The following PRKCZ variants were observed in gnomAD, a reference collection of about 807,000 sequenced individuals.
The protein encoded by PRKCZ is protein kinase C zeta type.
In PRKCZ, 33 loss-of-function variants were observed where a neutral mutation model predicts 79.5. The ratio of observed to expected loss-of-function variants is 0.41; its 90% CI spans 0.31 to 0.55. The LOEUF is 0.55. Ranked by LOEUF, PRKCZ falls within the 20% of genes least tolerant of loss-of-function variation. The pLI is 0.19. For synonymous variants in PRKCZ, 342 were observed against 320.9 expected, an observed-to-expected ratio of 1.07 and a Z score of -0.70; for missense variants, 578 against 813.5, an observed-to-expected ratio of 0.71 and a Z score of 3.52.
At chr1:2,131,314 T>C (rs1674913017) in intron 4 of PRKCZ, among the ~76,000 whole-genome samples, 1 of 152,170 alleles carries the variant, frequency 6.6e-6, no homozygotes, top group South Asian at 2.1e-4. Context: ...TTTAAAAATC[T>C]GATTTGAAGG....
chr1:2,181,557 C>T (rs2100543201), intron 16 of PRKCZ, among the ~76,000 whole-genome samples: 1 of 152,340 alleles, frequency 6.6e-6, no homozygotes, highest in South Asian at 2.1e-4. Context: ...CGACCTGGAG[C>T]CCACGTGCCA....
intron 16 of PRKCZ, chr1:2,182,133 G>C (rs1686726247): frequency 4.1e-6 from 1 of 246,004 alleles, no homozygotes; most frequent in Non-Finnish European, 8.3e-6. Context: ...GAATGGATGT[G>C]GGCATTTCTT....
chr1:2,079,973 G>C (rs1036356285), intron 4 of PRKCZ, among the ~76,000 whole-genome samples: 2 of 152,170 alleles, frequency 1.3e-5, no homozygotes, highest in Admixed American at 1.3e-4. Flanking sequence ...GGTGAGGAAG[G>C]GGGTCTGGGG....
intron 9 of PRKCZ, among the ~76,000 whole-genome samples, chr1:2,153,112 G>A (rs1320224898): frequency 6.6e-6 from 1 of 152,232 alleles, no homozygotes; most frequent in Non-Finnish European, 1.5e-5. Context: ...CACCACACGG[G>A]CCTGTTTCTG....
chr1:2,183,088 A>C (rs927103395), intron 16 of PRKCZ, among the ~76,000 whole-genome samples: 8 of 152,138 alleles, frequency 5.3e-5, no homozygotes, highest in Non-Finnish European at 7.4e-5. Context: ...AAAATTAGCC[A>C]GGCGTGGTGG....
In PRKCZ at chr1:2,073,514, C is replaced by T. The variant is rs376706539; in HGVS notation, c.334+13923C>T. 6.5e-4 allele frequency: 399 copies of T among 611,612 alleles called. 1 individual carries two copies. The Middle Eastern group carries it at 9.1e-3, about 14-fold the overall frequency. 37.9% of individuals were successfully genotyped at this position (611,612 alleles called of 1,614,324 possible). ...GCTTAGCTGGGTTCTGTTCTGATGT[C>T]GCATTTTCAAGGTCCGCTGAGTCCG... is the stretch of plus-strand genomic sequence containing the variant. On this transcript the variant is annotated intron_variant, in intron 4 of 17. Coordinates refer to ENST00000378567, the MANE Select transcript of PRKCZ (RefSeq NM_002744.6).
chr1:2,120,310 T>G (rs1054375445), intron 4 of PRKCZ, among the ~76,000 whole-genome samples: 4 of 135,440 alleles, frequency 3.0e-5, no homozygotes, highest in African/African-American at 1.1e-4. Flanking sequence ...TTTTTTTTTT[T>G]TTTTTTTTTT....
At chr1:2,104,844 C>T (rs1243171380) in intron 4 of PRKCZ, 20 of 985,750 alleles carry the variant, frequency 2.0e-5, no homozygotes, top group Admixed American at 6.1e-5. Context: ...GCGGTGTGAG[C>T]GGGGACTGGT....
At chr1:2,112,379 G>T (rs1319730081) in intron 4 of PRKCZ, among the ~76,000 whole-genome samples, 1 of 152,162 alleles carries the variant, frequency 6.6e-6, no homozygotes, top group Admixed American at 6.5e-5. Context: ...AACCTCTGAC[G>T]TGCTCCATTG....
At chr1:2,147,187 C>T (rs1678745334) in intron 7 of PRKCZ, among the ~76,000 whole-genome samples, 1 of 152,180 alleles carries the variant, frequency 6.6e-6, no homozygotes, top group Admixed American at 6.5e-5. Flanking sequence ...ACCTCTCCAT[C>T]CAACCGTCTA....
At chr1:2,074,326 G>C in intron 4 of PRKCZ, 1 of 1,547,874 alleles carries the variant, frequency 6.5e-7, no homozygotes, top group Middle Eastern at 1.8e-4. Context: ...GGAGGGCTGG[G>C]GGCCGGGGGG....
chr1:2,145,689 A>G (rs383968), intron 6 of PRKCZ, among the ~76,000 whole-genome samples: 50,779 of 152,030 alleles, frequency 0.33, 8,940 homozygotes, highest in South Asian at 0.41. Context: ...CAAGGTGGGA[A>G]GATCACTTGA....
chr1:2,107,029 G>A (rs959467318), intron 4 of PRKCZ, among the ~76,000 whole-genome samples: 3 of 149,348 alleles, frequency 2.0e-5, no homozygotes, highest in Admixed American at 6.7e-5. Flanking sequence ...TCTCCGGCTC[G>A]GCTGTCTCAG....
chr1:2,118,369 G>A lies in PRKCZ; in HGVS notation c.335-16893G>A, dbSNP rs563463018. On this transcript the variant is annotated intron_variant, in intron 4 of 17. Coordinates refer to ENST00000378567, the MANE Select transcript of PRKCZ (RefSeq NM_002744.6). ...TTTTTTTTTTTTGAGACAGAGTGTC[G>A]CTCTGTCCCCCAGGCTGGAGTGCAG... 1.6e-3 allele frequency among the ~76,000 whole-genome samples: 222 copies of A among 140,090 alleles called. 1 individual carries two copies. The highest frequency in any genetic ancestry group is 5.5e-3 in the African/African-American group (202 of 36,984). The allele number at this position is 140,090 out of a possible 152,430, so 91.9% of individuals were successfully genotyped here. A position where few individuals can be genotyped will look rare whatever the true frequency, so the allele number is the denominator to read the frequency against.
chr1:2,100,965 C>T (rs1356914335), intron 4 of PRKCZ, among the ~76,000 whole-genome samples: 1 of 150,590 alleles, frequency 6.6e-6, no homozygotes, highest in South Asian at 2.1e-4. Context: ...CATCTTTCGT[C>T]CTGTGTCTGA....
At chr1:2,139,025 A>G (rs959649015) in intron 5 of PRKCZ, among the ~76,000 whole-genome samples, 8 of 152,174 alleles carry the variant, frequency 5.3e-5, no homozygotes, top group Admixed American at 5.2e-4. Context: ...GAATTTTCAG[A>G]TTTTTTCAGT....
At position 2,106,047 on chromosome 1, in the gene PRKCZ, C is replaced by T. The variant is rs188295248; in HGVS notation, c.335-29215C>T. ...CATGTGGCCCTTCCACGTCTCCTGG[C>T]CATGCCAGACAGGTCCTCAGGATTG... On this transcript the variant is annotated intron_variant, in intron 4 of 17. Transcript: ENST00000378567. Among the ~76,000 whole-genome samples, 439 of 152,340 alleles carry T rather than the reference C, an allele frequency of 2.9e-3. 1 individual carries two copies. The highest frequency in any genetic ancestry group is 9.9e-3 in the African/African-American group (412 of 41,582).
At chr1:2,147,192 C>T (rs576808994) in intron 7 of PRKCZ, among the ~76,000 whole-genome samples, 75 of 151,388 alleles carry the variant, frequency 5.0e-4, no homozygotes, top group African/African-American at 1.8e-3. Context: ...TCCATCCAAC[C>T]GTCTATTGTC....
At chr1:2,160,240 T>C (rs866118529) in intron 10 of PRKCZ, among the ~76,000 whole-genome samples, 8 of 72,740 alleles carry the variant, frequency 1.1e-4, no homozygotes, top group African/African-American at 3.5e-4. Context: ...GCAGTGTGCG[T>C]GTGTGTGTGT....
Sources: gnomAD v4.1 joint callset for allele counts (sites outside exome capture counted in the v4.1 genomes callset) on GRCh38, gnomAD v4.1.1 for gene constraint, MANE v1.5 for transcripts, NCBI Gene and HGNC (gene_info 2026-07-23, HGNC 2026-07-21) for gene names.